The following DCAF5 variants were observed in gnomAD, a reference collection of about 807,000 sequenced individuals.
The protein encoded by DCAF5 is DDB1 and CUL4 associated factor 5.
Under a neutral mutation model 80.7 loss-of-function variants are expected in DCAF5, and 9 were observed. The observed-to-expected ratio is 0.11, with a 90% CI of 0.07 to 0.19. The LOEUF is 0.19. Ranked by LOEUF, DCAF5 falls within the 10% of genes least tolerant of loss-of-function variation. The pLI, the probability that DCAF5 is intolerant of heterozygous loss-of-function variation, is 1.00. For synonymous variants in DCAF5, 433 were observed against 461.9 expected, an observed-to-expected ratio of 0.94 and a Z score of 0.80; for missense variants, 842 against 1,205.7, an observed-to-expected ratio of 0.70 and a Z score of 4.47.
chr14:69,105,944 T>G (rs948770764), intron 5 of DCAF5, among the ~76,000 whole-genome samples: 10 of 85,174 alleles, frequency 1.2e-4, no homozygotes, highest in Admixed American at 8.3e-4. Flanking sequence ...TATATATATA[T>G]ATCTCCTATT....
At chr14:69,110,579 C>T (rs561581002) in intron 5 of DCAF5, among the ~76,000 whole-genome samples, 1 of 152,134 alleles carries the variant, frequency 6.6e-6, no homozygotes, top group South Asian at 2.1e-4. Flanking sequence ...TTTTCACTTA[C>T]TTAATAGTGT....
intron 6 of DCAF5, among the ~76,000 whole-genome samples, chr14:69,088,599 C>T (rs929019393): frequency 5.9e-5 from 9 of 152,148 alleles, no homozygotes; most frequent in African/African-American, 2.2e-4. Context: ...TAATTAAAAG[C>T]CAGATGACTG....
At chr14:69,084,769 T>C (rs2039253428) in intron 6 of DCAF5, 15 of 1,133,514 alleles carry the variant, frequency 1.3e-5, no homozygotes, top group Non-Finnish European at 9.1e-6. Flanking sequence ...AAAATAAGCA[T>C]ACGACCACAT....
chr14:69,054,605 G>A lies in DCAF5; in HGVS notation c.2081C>T (p.Ala694Val). Residue 694 changes from alanine to valine, a missense_variant, in exon 9 of 9, where the codon GCA becomes GTA. By Grantham distance (64) the Ala-to-Val change is moderately conservative (BLOSUM62 0). Around this residue, in one of 5 missense-constraint regions of DCAF5, gnomAD observed 607 missense variants for 656.6 expected, o/e 0.92. Transcript: ENST00000341516. Reference protein sequence around the residue: ...LVTGEADEGRAGTSHKDNPAP... With the variant: ...LVTGEADEGRVGTSHKDNPAP... The stretch of plus-strand genomic sequence containing the variant: ...TGGGTTGTCTTTGTGGCTGGTTCCT[G>A]CTCTCCCTTCATCTGCCTCCCCGGT... 6.2e-7 allele frequency: 1 copy of A among 1,614,168 alleles called. No individual in the cohort carries two copies. The highest frequency in any genetic ancestry group is 8.5e-7 in the Non-Finnish European group (1 of 1,180,008).
At chr14:69,109,670 T>C (rs1293251808) in intron 5 of DCAF5, among the ~76,000 whole-genome samples, 2 of 152,260 alleles carry the variant, frequency 1.3e-5, no homozygotes, top group African/African-American at 4.8e-5. Flanking sequence ...TATGTTTGTG[T>C]AATATTCTAT....
rs112721837 is a variant in DCAF5 at position 69,060,310 on chromosome 14, C to T, written c.1074+2074G>A. On this transcript the variant is annotated intron_variant, in intron 8 of 8. Coordinates refer to ENST00000341516, the MANE Select transcript of DCAF5 (RefSeq NM_003861.3). ...GAAGAACAAAGGGCAGGGCTCTATCCTAGCTTTGCCACCAATTAGCTGTGT... is the reference window on the plus strand; with the variant it reads ...GAAGAACAAAGGGCAGGGCTCTATCTTAGCTTTGCCACCAATTAGCTGTGT... Among the ~76,000 whole-genome samples the T allele has an allele frequency of 1.4e-3, 211 of 152,290 alleles. 1 individual carries two copies. Among genetic ancestry groups the T allele is most frequent in the African/African-American group, 4.9e-3 (204 of 41,560 alleles).
intron 1 of DCAF5, among the ~76,000 whole-genome samples, chr14:69,125,639 G>A (rs1420969053): frequency 1.3e-5 from 2 of 152,122 alleles, no homozygotes; most frequent in Non-Finnish European, 2.9e-5. Context: ...ATAATATCAA[G>A]AAAACCTATA....
intron 5 of DCAF5, among the ~76,000 whole-genome samples, chr14:69,105,914 C>T (rs966092126): frequency 6.0e-5 from 3 of 50,014 alleles, no homozygotes; most frequent in Admixed American, 3.0e-4. Context: ...AATAAACTGT[C>T]ATATATATAT....
intron 8 of DCAF5, among the ~76,000 whole-genome samples, chr14:69,057,801 C>T (rs1193345251): frequency 6.6e-6 from 1 of 152,128 alleles, no homozygotes; most frequent in Non-Finnish European, 1.5e-5. Flanking sequence ...TGGGTCTCAT[C>T]CAATCCTAAG....
intron 1 of DCAF5, among the ~76,000 whole-genome samples, chr14:69,143,619 C>T (rs1479882902): frequency 7.7e-6 from 1 of 129,766 alleles, no homozygotes; most frequent in Non-Finnish European, 1.5e-5. Context: ...GCGAGGCATT[C>T]CTTAATTTGG....
chr14:69,084,843 T>C (rs1240439423), intron 6 of DCAF5: 1 of 1,098,428 alleles, frequency 9.1e-7, no homozygotes, highest in African/African-American at 1.5e-5. Context: ...GCAAGAGAAC[T>C]GGACATTACT....
chr14:69,101,439 C>G (rs1629783), intron 5 of DCAF5, among the ~76,000 whole-genome samples: 120,495 of 152,180 alleles, frequency 0.79, 47,851 homozygotes, highest in East Asian at 0.98. Context: ...AGGGGAAGAT[C>G]TGCCAAGAGA....
At position 69,152,710 on chromosome 14, in the gene DCAF5, G is replaced by A. The variant is rs1214458499; in HGVS notation, c.214+55C>T. On this transcript the variant is annotated intron_variant, in intron 1 of 8. Transcript: ENST00000341516. The surrounding 1 kb of genome is among the most constrained non-coding windows in gnomAD (Gnocchi z 4.1). ...AGGAGGGTGACGGGGGAGAGCGAGA[G>A]GGGGAGGCTGGGAGGGTGCGGGGAG... is the stretch of plus-strand genomic sequence containing the variant. 1.4e-6 allele frequency: 2 copies of A among 1,384,124 alleles called. No homozygotes were observed. The highest frequency in any genetic ancestry group is 4.8e-5 in the East Asian group (2 of 41,960). 85.7% of individuals were successfully genotyped at this position (1,384,124 alleles called of 1,614,324 possible).
chr14:69,104,784 G>A lies in DCAF5; in HGVS notation c.665+11582C>T, dbSNP rs1046141777. 2.0e-5 allele frequency among the ~76,000 whole-genome samples: 3 copies of A among 152,092 alleles called. No homozygotes were observed. The South Asian group carries it at 6.2e-4, about 32-fold the overall frequency. ...AGGCAGGAGAATCGCTTGAACCCAGGAGGTGGAGGTTGCAGTGAGCCAAGA... is the reference window on the plus strand; with the variant it reads ...AGGCAGGAGAATCGCTTGAACCCAGAAGGTGGAGGTTGCAGTGAGCCAAGA... On this transcript the variant is annotated intron_variant, in intron 5 of 8. Transcript: ENST00000341516.
At chr14:69,141,090 C>T (rs1368968544) in intron 1 of DCAF5, among the ~76,000 whole-genome samples, 2 of 145,046 alleles carry the variant, frequency 1.4e-5, no homozygotes, top group South Asian at 2.2e-4. Context: ...GCTGAGATCA[C>T]GCCACTGCAC....
intron 7 of DCAF5, 91 bp from the exon 8 acceptor site, chr14:69,062,602 A>G (rs971281146): frequency 1.4e-6 from 2 of 1,461,948 alleles, no homozygotes; most frequent in African/African-American, 2.8e-5. Flanking sequence ...TCTGAATGGG[A>G]GCAAAGATTT....
At chr14:69,092,043 C>G (rs570116141) in intron 5 of DCAF5, among the ~76,000 whole-genome samples, 156 bp from the exon 6 acceptor site, 1 of 152,318 alleles carries the variant, frequency 6.6e-6, no homozygotes, top group Non-Finnish European at 1.5e-5. Flanking sequence ...GGTAGCAACG[C>G]TTCCTTCGTT....
At chr14:69,135,108 G>A (rs1289204773) in intron 1 of DCAF5, among the ~76,000 whole-genome samples, 1 of 152,188 alleles carries the variant, frequency 6.6e-6, no homozygotes, top group Non-Finnish European at 1.5e-5. Flanking sequence ...AGTTGTTCTC[G>A]AAGTGTGTCC....
chr14:69,137,940 A>G lies in DCAF5; in HGVS notation c.214+14825T>C, dbSNP rs1451969823. ...TAGGTATGTATACATAAGACAAAAC[A>G]TAGTATACATAGGGTTCAGTACCAT... On this transcript the variant is annotated intron_variant, in intron 1 of 8. Transcript: ENST00000341516. 2.6e-5 allele frequency among the ~76,000 whole-genome samples: 4 copies of G among 152,230 alleles called. No individual in the cohort carries two copies. In the East Asian group the frequency reaches 7.7e-4, roughly 29 times the overall value.
Sources: allele counts gnomAD v4.1 joint callset (sites outside exome capture counted in the v4.1 genomes callset), GRCh38; gene constraint gnomAD v4.1.1; regional missense constraint gnomAD v4.1.1; non-coding constraint Gnocchi (gnomAD v3.1); transcripts MANE v1.5; gene names NCBI Gene and HGNC (gene_info 2026-07-23, HGNC 2026-07-21).